Variants in PXDNL observed in about 807,000 individuals in gnomAD.
The protein encoded by PXDNL is peroxidasin like.
Under a neutral mutation model 150.8 loss-of-function variants are expected in PXDNL, and 145 were observed. The observed-to-expected ratio is 0.96, with a 90% CI of 0.84 to 1.10. PXDNL has a LOEUF of 1.10. Among genes scored for constraint, PXDNL ranks in the 50% least tolerant of loss-of-function variants. The pLI, the probability that PXDNL is intolerant of heterozygous loss-of-function variation, is 0.00. For synonymous variants in PXDNL, 757 were observed against 725.7 expected (o/e 1.04, Z -0.69); for missense variants, 2,087 against 1,873.9 (o/e 1.11, Z -2.10).
intron 1 of PXDNL, among the ~76,000 whole-genome samples, chr8:51,751,501 TTC>T (rs774879526): frequency 1.3e-5 from 2 of 152,240 alleles, no homozygotes; most frequent in Non-Finnish European, 2.9e-5. Context: ...AGCTCATGTT[TTC>T]TCTGATATTT....
intron 12 of PXDNL, among the ~76,000 whole-genome samples, chr8:51,427,884 T>C (rs943613630): frequency 6.6e-6 from 1 of 152,102 alleles, no homozygotes; most frequent in Non-Finnish European, 1.5e-5. Context: ...CTGTGCACCA[T>C]GGCAGGAAAA....
At chr8:51,472,399 T>C in intron 7 of PXDNL, 95 bp from the exon 8 acceptor site, 2 of 886,702 alleles carry the variant, frequency 2.3e-6, no homozygotes, top group Admixed American at 2.3e-5. Flanking sequence ...TAAATTTATT[T>C]CTACATTAAA....
At chr8:51,739,308 T>C (rs1307665450) in intron 1 of PXDNL, among the ~76,000 whole-genome samples, 3 of 152,126 alleles carry the variant, frequency 2.0e-5, no homozygotes, top group Admixed American at 2.0e-4. Flanking sequence ...GGTAAAAGAC[T>C]GAAAGATTTC....
chr8:51,637,777 T>G (rs1042987843), intron 2 of PXDNL, among the ~76,000 whole-genome samples: 1 of 152,150 alleles, frequency 6.6e-6, no homozygotes, highest in Admixed American at 6.5e-5. Flanking sequence ...AAAACACTCT[T>G]CAGGATATTA....
At chr8:51,721,496 T>C (rs779545989) in intron 1 of PXDNL, among the ~76,000 whole-genome samples, 3 of 152,166 alleles carry the variant, frequency 2.0e-5, no homozygotes, top group Non-Finnish European at 4.4e-5. Flanking sequence ...CAACTTCTAC[T>C]TTCTTTAGAA....
chr8:51,694,488 T>C (rs770898499), intron 1 of PXDNL, among the ~76,000 whole-genome samples: 6 of 152,264 alleles, frequency 3.9e-5, no homozygotes, highest in Non-Finnish European at 8.8e-5. Context: ...GTTCTCACAT[T>C]TACAGTAACC....
intron 4 of PXDNL, among the ~76,000 whole-genome samples, chr8:51,512,457 G>A (rs1461222216): frequency 1.1e-4 from 17 of 152,184 alleles, no homozygotes; most frequent in Admixed American, 1.1e-3. Flanking sequence ...CTCTTTGGAA[G>A]AGTAATATAG....
Position 51,483,547 on chromosome 8 carries a change from C to G in PXDNL, c.524+96G>C. ...CATGCTAGAATTGCAATGTCTTTCA[C>G]AGGAAAAGCAGGAGAAGGCAACCAA... On this transcript the variant is annotated intron_variant, in intron 6 of 22. Transcript: ENST00000356297. 3 of 768,164 alleles carry G rather than the reference C, an allele frequency of 3.9e-6. No homozygotes were observed. The South Asian group carries it at 4.9e-5, about 12-fold the overall frequency. The allele number at this position is 768,164 out of a possible 1,614,324, so 47.6% of individuals were successfully genotyped here. A position where few individuals can be genotyped will look rare whatever the true frequency, so the allele number is the denominator to read the frequency against.
intron 1 of PXDNL, among the ~76,000 whole-genome samples, chr8:51,675,233 TG>T (rs971082149): frequency 2.6e-4 from 39 of 152,112 alleles, no homozygotes; most frequent in African/African-American, 9.2e-4. Context: ...TATTAAGAGG[TG>T]GGGCCTTTAA....
chr8:51,525,614 C>T lies in PXDNL; in HGVS notation c.381-25844G>A, dbSNP rs559656712. On this transcript the variant is annotated intron_variant, in intron 4 of 22. Transcript: ENST00000356297. ...CCAAAATGCTGGACAAAATAAAAAA[C>T]ATTCTAGTGTGGTGAGTCTGATGCT... Among the ~76,000 whole-genome samples the T allele has an allele frequency of 2.6e-5, 4 of 152,244 alleles. No homozygotes were observed. The South Asian group carries it at 8.3e-4, about 32-fold the overall frequency.
At chr8:51,326,094 T>C (rs1378507828) in intron 21 of PXDNL, among the ~76,000 whole-genome samples, 1 of 152,182 alleles carries the variant, frequency 6.6e-6, no homozygotes, top group African/African-American at 2.4e-5. Flanking sequence ...CATCACATTG[T>C]TCCTGGAGCC....
At chr8:51,401,886 G>A (rs1010192762) in intron 17 of PXDNL, among the ~76,000 whole-genome samples, 2 of 152,164 alleles carry the variant, frequency 1.3e-5, no homozygotes, top group African/African-American at 4.8e-5. Flanking sequence ...AAACACTCAG[G>A]AAAGGTGACG....
At chr8:51,342,995 G>A (rs575458686) in intron 20 of PXDNL, among the ~76,000 whole-genome samples, 1 of 152,134 alleles carries the variant, frequency 6.6e-6, no homozygotes, top group Admixed American at 6.5e-5. Context: ...AGACAATTTG[G>A]AAGGATAGAA....
chr8:51,481,041 T>C (rs980975992), intron 6 of PXDNL, among the ~76,000 whole-genome samples: 1 of 152,132 alleles, frequency 6.6e-6, no homozygotes, highest in Non-Finnish European at 1.5e-5. Flanking sequence ...CAGGCAGATG[T>C]TGGAACAGTT....
intron 1 of PXDNL, among the ~76,000 whole-genome samples, chr8:51,762,982 A>T (rs1191556274): frequency 6.6e-6 from 1 of 152,172 alleles, no homozygotes; most frequent in Admixed American, 6.5e-5. Flanking sequence ...AAAATGTACA[A>T]TTCAGTGGTT....
At chr8:51,499,370 A>T (rs2195762) in intron 5 of PXDNL, among the ~76,000 whole-genome samples, 73,513 of 152,006 alleles carry the variant, frequency 0.48, 20,936 homozygotes, top group East Asian at 0.63. Flanking sequence ...AACTCAGGTG[A>T]TCCGCCCACC....
At chr8:51,513,465 A>G (rs893167831) in intron 4 of PXDNL, among the ~76,000 whole-genome samples, 1 of 152,326 alleles carries the variant, frequency 6.6e-6, no homozygotes, top group East Asian at 1.9e-4. Flanking sequence ...TTGCACACCA[A>G]TGCAACCTTA....
At position 51,409,418 on chromosome 8, in the gene PXDNL, T is replaced by G; in HGVS notation, c.2206A>C (p.Asn736His). 6.2e-7 allele frequency: 1 copy of G among 1,611,988 alleles called. No homozygotes were observed. Among genetic ancestry groups the G allele is most frequent in the East Asian group, 2.2e-5 (1 of 44,740 alleles). ...KYRAHDGTCNNLQQPTWGAAL... is the reference protein window; with the variant it reads ...KYRAHDGTCNHLQQPTWGAAL... ...GCGCCCCACGTGGGCTGCTGCAGGT[T>G]GTTGCACGTGCCGTCGTGGGCGCGG... Residue 736 changes from asparagine (N) to histidine (H), a missense_variant, in exon 17 of 23, where the codon AAC becomes CAC. Coordinates refer to ENST00000356297, the MANE Select transcript of PXDNL (RefSeq NM_144651.5).
At position 51,372,096 on chromosome 8, in the gene PXDNL, A is replaced by G. The variant is rs572705911; in HGVS notation, c.3693-15T>C. The G allele has an allele frequency of 1.4e-4, 223 of 1,551,588 alleles. No individual in the cohort carries two copies. Among genetic ancestry groups the G allele is most frequent in the South Asian group, 8.3e-4 (70 of 84,566 alleles). ...CATACCAGAACCTGGTAGTCAACCA[A>G]AAAAAAAACATTGTCGTGGGTCTGT... is the stretch of plus-strand genomic sequence containing the variant. On this transcript the variant is annotated splice_polypyrimidine_tract_variant and intron_variant, in intron 18 of 22. Coordinates refer to ENST00000356297, the MANE Select transcript of PXDNL (RefSeq NM_144651.5).
Sources: allele counts gnomAD v4.1 joint callset (sites outside exome capture counted in the v4.1 genomes callset), GRCh38; gene constraint gnomAD v4.1.1; transcripts MANE v1.5; gene names NCBI Gene and HGNC (gene_info 2026-07-23, HGNC 2026-07-21).